The following MZT2B variants were observed in gnomAD, a reference collection of about 807,000 sequenced individuals.
The protein encoded by MZT2B is mitotic-spindle organizing protein 2B.
Under a neutral mutation model 12.1 loss-of-function variants are expected in MZT2B, and 11 were observed. The ratio of observed to expected loss-of-function variants is 0.91; its 90% CI spans 0.57 to 1.50. MZT2B has a LOEUF of 1.50. Ranked by LOEUF, MZT2B falls within the 40% of genes most tolerant of loss-of-function variation. The probability of loss-of-function intolerance (pLI) is 0.00; values close to 1 mark genes in which losing one functional copy is unlikely to be tolerated. For missense variants in MZT2B, 209 were observed against 227.7 expected (o/e 0.92, Z 0.53); for synonymous variants, 85 against 109.5 (o/e 0.78, Z 1.40).
At chr2:130,184,154 C>G (rs1382280232) in intron 2 of MZT2B, 1 of 1,471,326 alleles carries the variant, frequency 6.8e-7, no homozygotes, top group Admixed American at 2.3e-5. Context: ...GTGGCAGTCT[C>G]TAGACCCCAC....
At chr2:130,184,485 C>CT in intron 2 of MZT2B, 1 of 985,420 alleles carries the variant, frequency 1.0e-6, no homozygotes, top group Non-Finnish European at 1.2e-6. Context: ...AGTTAGCACA[C>CT]TTTCCAGGTG....
At chr2:130,183,774 C>T (rs1223861201) in intron 2 of MZT2B, 2 of 1,550,660 alleles carry the variant, frequency 1.3e-6, no homozygotes, top group Admixed American at 2.0e-5. Flanking sequence ...TTGTGTCTCT[C>T]TCTGACCTCC....
chr2:130,182,254 C>T (rs1202211507), upstream of MZT2B: 11 of 1,253,832 alleles, frequency 8.8e-6, no homozygotes, highest in Non-Finnish European at 1.1e-5. Flanking sequence ...CGCGGCGGGG[C>T]GGAGCGCACC....
Position 130,182,335 on chromosome 2 carries a change from T to C in MZT2B, c.53T>C (p.Leu18Pro). ...CCGGGGTCGGCGGCGCCCCCGGGGC[T>C]GGAGGCGGCCCGGCAGAAGCTGGCG... The part of the protein sequence containing the change: ...PGPGSAAPPG[L>P]EAARQKLALR... Residue 18 changes from leucine to proline, a missense_variant, in exon 1 of 3, where the codon CTG becomes CCG. Transcript: ENST00000281871. The C allele has an allele frequency of 6.5e-7, 1 of 1,528,644 alleles. No homozygotes were observed. The highest frequency in any genetic ancestry group is 8.7e-7 in the Non-Finnish European group (1 of 1,143,436). 94.7% of individuals were successfully genotyped at this position (1,528,644 alleles called of 1,614,324 possible). A position where few individuals can be genotyped will look rare whatever the true frequency, so the allele number is the denominator to read the frequency against.
rs1284110166 is a variant in MZT2B at position 130,190,620 on chromosome 2, C to G, written c.471C>G (p.Ser157Arg). ...GGPGKSPTRG[S>R]T The stretch of plus-strand genomic sequence containing the variant: ...CTGGGAAGAGCCCTACACGGGGCAG[C>G]ACCTAGGATGGGGCAGAGACTTGTT... The change falls in exon 3 of 3, where the codon AGC becomes AGG. Residue 157 changes from serine to arginine, a missense_variant. Ser to Arg is a moderately radical substitution (Grantham distance 110). Coordinates refer to ENST00000281871, the MANE Select transcript of MZT2B (RefSeq NM_025029.5). 6.2e-7 allele frequency: 1 copy of G among 1,604,876 alleles called. No individual in the cohort carries two copies. The highest frequency in any genetic ancestry group is 1.3e-5 in the African/African-American group (1 of 74,890).
At chr2:130,197,492 C>CA in the MZT2B span, among the ~76,000 whole-genome samples, 7,294 of 44,068 alleles carry the variant, frequency 0.17, 1,338 homozygotes, top group African/African-American at 0.42. Flanking sequence ...AGTGCTGTCT[C>CA]AAAAAAAAAA....
the MZT2B span, among the ~76,000 whole-genome samples, chr2:130,196,836 C>G: frequency 6.6e-6 from 1 of 152,150 alleles, no homozygotes; most frequent in Non-Finnish European, 1.5e-5. Context: ...CAGTTCTACC[C>G]CGTCCATCAT....
chr2:130,187,916 T>C (rs2104734552), intron 2 of MZT2B, among the ~76,000 whole-genome samples: 1 of 152,176 alleles, frequency 6.6e-6, no homozygotes, highest in East Asian at 1.9e-4. Flanking sequence ...TGTGGCCCCA[T>C]GCTTGTAGTC....
intron 2 of MZT2B, among the ~76,000 whole-genome samples, chr2:130,189,742 C>T (rs1281683644): frequency 1.3e-5 from 2 of 152,202 alleles, no homozygotes. Context: ...GCAGATTTTT[C>T]TTGGCTATCT....
downstream of MZT2B, among the ~76,000 whole-genome samples, chr2:130,193,587 C>T (rs1424759386): frequency 5.3e-3 from 727 of 137,176 alleles, 1 homozygote; most frequent in Non-Finnish European, 8.9e-3. Flanking sequence ...CCAGCCTGGT[C>T]GACAGAGCAA....
intron 2 of MZT2B, among the ~76,000 whole-genome samples, chr2:130,185,799 A>G (rs1690038729): frequency 6.6e-6 from 1 of 151,936 alleles, no homozygotes; most frequent in Non-Finnish European, 1.5e-5. Context: ...GGGCTCCGAG[A>G]GAATTTACCC....
chr2:130,181,776 T>A (rs1218663923), upstream of MZT2B: 15 of 1,547,020 alleles, frequency 9.7e-6, no homozygotes, highest in Middle Eastern at 3.6e-4. Flanking sequence ...GCCTGCGTTG[T>A]GGCGGCCTCC....
intron 2 of MZT2B, among the ~76,000 whole-genome samples, chr2:130,186,341 T>A (rs1690063562): frequency 6.6e-6 from 1 of 151,916 alleles, no homozygotes; most frequent in Non-Finnish European, 1.5e-5. Flanking sequence ...GATTCACTCA[T>A]ACCCACAGGG....
At chr2:130,191,670 CA>C (rs1690261721), downstream of MZT2B, 1 of 1,331,958 alleles carries the variant, frequency 7.5e-7, no homozygotes, top group African/African-American at 1.5e-5. Flanking sequence ...GCTGGCACCC[CA>C]CCGCTGTCCA....
chr2:130,181,696 G>A (rs1445793012), upstream of MZT2B: 18 of 1,549,346 alleles, frequency 1.2e-5, no homozygotes, highest in Non-Finnish European at 1.6e-5. Context: ...GCAAAGCGAA[G>A]GCCGGCCGGG....
chr2:130,204,700 A>T, the MZT2B span, among the ~76,000 whole-genome samples: 2 of 117,880 alleles, frequency 1.7e-5, no homozygotes, highest in Non-Finnish European at 3.7e-5. Context: ...TCAAAAAAAA[A>T]AAAAGGGGGG....
At chr2:130,192,213 C>T, downstream of MZT2B, 1 of 1,522,560 alleles carries the variant, frequency 6.6e-7, no homozygotes, top group Non-Finnish European at 8.8e-7. Context: ...AGAAGACACC[C>T]TGTAGGTGAC....
At chr2:130,195,468 T>C (rs1289283363), downstream of MZT2B, among the ~76,000 whole-genome samples, 2 of 152,228 alleles carry the variant, frequency 1.3e-5, no homozygotes, top group African/African-American at 4.8e-5. Context: ...GCACGACCAG[T>C]TCCCAGTGAA....
At chr2:130,182,230 CA>C (rs1689722784), upstream of MZT2B, 1 of 1,229,582 alleles carries the variant, frequency 8.1e-7, no homozygotes. Flanking sequence ...GTGGTGGGCG[CA>C]GCCGCTAGGG....
Sources: gnomAD v4.1 joint callset for allele counts (sites outside exome capture counted in the v4.1 genomes callset) on GRCh38, gnomAD v4.1.1 for gene constraint, MANE v1.5 for transcripts, NCBI Gene and HGNC (gene_info 2026-07-23, HGNC 2026-07-21) for gene names.